The following ELOVL2 variants were observed in gnomAD, a reference collection of about 807,000 sequenced individuals.
ELOVL2 encodes very long chain fatty acid elongase 2.
ELOVL2 carries 38 observed loss-of-function variants against 37.7 expected under a neutral mutation model. The ratio of observed to expected loss-of-function variants is 1.01; its 90% CI spans 0.78 to 1.32. ELOVL2 has a LOEUF of 1.32. Ranked by LOEUF, ELOVL2 falls within the 40% of genes most tolerant of loss-of-function variation. The pLI is 0.00. For synonymous variants in ELOVL2, 115 were observed against 122.3 expected (o/e 0.94, Z 0.40); for missense variants, 352 against 363.6 (o/e 0.97, Z 0.26).
At position 10,982,440 on chromosome 6, in the gene ELOVL2, T is replaced by C. The variant is rs1013855852; in HGVS notation, c.*1341A>G. 4.6e-5 allele frequency: 7 copies of C among 152,152 alleles called. No individual in the cohort carries two copies. Among genetic ancestry groups the C allele is most frequent in the Non-Finnish European group, 1.0e-4 (7 of 68,026 alleles). The allele number at this position is 152,152 out of a possible 1,614,324, so 9.4% of individuals were successfully genotyped here. ...AAGGCAGGAGAGAAGATGAAGTGAC[T>C]TCATCGAAGCTAACAAGTTTTATTT... On this transcript the variant is annotated 3_prime_UTR_variant, in exon 8 of 8. Coordinates refer to ENST00000354666, the MANE Select transcript of ELOVL2 (RefSeq NM_017770.4).
At chr6:11,009,940 T>TA (rs1782543467) in intron 2 of ELOVL2, among the ~76,000 whole-genome samples, 1 of 151,630 alleles carries the variant, frequency 6.6e-6, no homozygotes, top group Non-Finnish European at 1.5e-5. Flanking sequence ...TGCAGTACAG[T>TA]AAGCGACTGG....
chr6:11,026,557 C>T (rs1782840796), intron 1 of ELOVL2, among the ~76,000 whole-genome samples: 1 of 152,110 alleles, frequency 6.6e-6, no homozygotes, highest in Non-Finnish European at 1.5e-5. Context: ...TACGGACATC[C>T]AGGACAGCCA....
rs1781988097 is a variant in ELOVL2 at position 10,983,787 on chromosome 6, T to G, written c.885A>C (p.Ala295=). Residue 295 remains alanine, a synonymous_variant, in exon 8 of 8, where the codon GCA becomes GCC. Coordinates refer to ENST00000354666, the MANE Select transcript of ELOVL2 (RefSeq NM_017770.4). Reference sequence around the variant, plus strand: ...CTTTTTCTGTTACTCATTTTTATTGTGCTTTCTTGTTCATCACTCCATTTG... The same window carrying G: ...CTTTTTCTGTTACTCATTTTTATTGGGCTTTCTTGTTCATCACTCCATTTG... ...TAANGVMNKK[A]Q 2.5e-6 allele frequency: 4 copies of G among 1,606,066 alleles called. No homozygotes were observed. The highest frequency in any genetic ancestry group is 3.4e-6 in the Non-Finnish European group (4 of 1,177,940).
chr6:11,027,500 C>T (rs1782856449), intron 1 of ELOVL2, among the ~76,000 whole-genome samples: 1 of 152,176 alleles, frequency 6.6e-6, no homozygotes, highest in Non-Finnish European at 1.5e-5. Flanking sequence ...GTAGCACATT[C>T]CATTTTAAAA....
chr6:11,017,775 C>T (rs1782707506), intron 1 of ELOVL2, among the ~76,000 whole-genome samples: 1 of 152,136 alleles, frequency 6.6e-6, no homozygotes, highest in Admixed American at 6.6e-5. Context: ...CACGTATTAC[C>T]CAGACTTTCA....
chr6:11,007,371 T>TA (rs1411668409), intron 2 of ELOVL2, among the ~76,000 whole-genome samples: 7 of 152,150 alleles, frequency 4.6e-5, no homozygotes, highest in Non-Finnish European at 1.0e-4. Flanking sequence ...AGTGTCCTTA[T>TA]AAGAAGGAGA....
At chr6:10,984,488 C>T (rs1281503463) in intron 7 of ELOVL2, among the ~76,000 whole-genome samples, 16 of 148,326 alleles carry the variant, frequency 1.1e-4, no homozygotes, top group Admixed American at 1.1e-3. Flanking sequence ...TTAGGTATAT[C>T]TCCTAAAGCT....
chr6:11,000,197 ACAT>A (rs1782357816), intron 3 of ELOVL2, 33 bp from the exon 4 acceptor site: 1 of 1,588,596 alleles, frequency 6.3e-7, no homozygotes, highest in Non-Finnish European at 8.6e-7. Flanking sequence ...AGAAAAACAA[ACAT>A]CAGCACAAGA....
In ELOVL2 at chr6:10,984,131, C is replaced by T. The variant is rs1196073825; in HGVS notation, c.766-225G>A. ...CTCCCGGGTTCAAGTGATTCTCCTG[C>T]CTCAGCCTCCCAAGTAGCTGGGACT... On this transcript the variant is annotated intron_variant, in intron 7 of 7. Transcript: ENST00000354666. Among the ~76,000 whole-genome samples, 4 of 152,178 alleles carry T rather than the reference C, an allele frequency of 2.6e-5. No individual in the cohort carries two copies. The South Asian group carries it at 8.3e-4, about 32-fold the overall frequency.
chr6:10,994,483 A>AAG (rs1554111121), intron 5 of ELOVL2, among the ~76,000 whole-genome samples: 16 of 146,090 alleles, frequency 1.1e-4, no homozygotes, highest in Middle Eastern at 3.6e-3. Flanking sequence ...AAAAAAAAAA[A>AAG]GAACAAATAT....
intron 1 of ELOVL2, among the ~76,000 whole-genome samples, chr6:11,043,015 CTAAT>C (rs1783126658): frequency 6.6e-6 from 1 of 152,118 alleles, no homozygotes; most frequent in South Asian, 2.1e-4. Flanking sequence ...AGTACGCTAA[CTAAT>C]ACATGCTCAA....
At chr6:11,012,882 T>C (rs1782608824) in intron 1 of ELOVL2, among the ~76,000 whole-genome samples, 1 of 152,146 alleles carries the variant, frequency 6.6e-6, no homozygotes, top group Non-Finnish European at 1.5e-5. Context: ...GAGAGAGTAA[T>C]ACACAAATAA....
At chr6:10,995,391 A>G (rs1409218335) in intron 4 of ELOVL2, among the ~76,000 whole-genome samples, 2 of 150,650 alleles carry the variant, frequency 1.3e-5, no homozygotes, top group East Asian at 3.9e-4. Context: ...TTTCCAGAAC[A>G]CATGTGTGAT....
chr6:11,027,941 C>A (rs1473300114), intron 1 of ELOVL2, among the ~76,000 whole-genome samples: 2 of 152,212 alleles, frequency 1.3e-5, no homozygotes, highest in Admixed American at 6.5e-5. Context: ...TTCAATAGAG[C>A]CCTCAGAAGT....
At chr6:11,009,134 G>A (rs753841847) in intron 2 of ELOVL2, among the ~76,000 whole-genome samples, 14 of 152,288 alleles carry the variant, frequency 9.2e-5, no homozygotes, top group Non-Finnish European at 1.6e-4. Context: ...GAGTAAAACA[G>A]CCAGGGTTCC....
At chr6:11,006,450 T>G (rs1323288461) in intron 2 of ELOVL2, among the ~76,000 whole-genome samples, 1 of 152,218 alleles carries the variant, frequency 6.6e-6, no homozygotes. Context: ...TTTGTTTAAA[T>G]AAAGAAAATG....
rs777096370 is a variant in ELOVL2 at position 10,989,782 on chromosome 6, C to G, written c.686G>C (p.Gly229Ala). 1.1e-5 allele frequency: 18 copies of G among 1,614,038 alleles called. No individual in the cohort carries two copies. The highest frequency in any genetic ancestry group is 1.4e-5 in the Non-Finnish European group (17 of 1,180,026). The stretch of plus-strand genomic sequence containing the variant: ...GAAGATGAGACAACCGAAGGGGAAG[C>G]CACACGGTTTCACGACGGCGCTCAT... ...HTMSAVVKPC[G>A]FPFGCLIFQS... The change falls in exon 7 of 8, where the codon GGC becomes GCC. Residue 229 changes from glycine (G) to alanine (A), a missense_variant. By Grantham distance (60) the Gly-to-Ala change is moderately conservative (BLOSUM62 0). Transcript: ENST00000354666.
intron 4 of ELOVL2, among the ~76,000 whole-genome samples, chr6:10,995,887 C>G (rs1782259604): frequency 6.6e-6 from 1 of 152,154 alleles, no homozygotes; most frequent in Non-Finnish European, 1.5e-5. Context: ...TATAACTTTC[C>G]TCTGCTCTTC....
intron 5 of ELOVL2, 43 bp from the exon 6 acceptor site, chr6:10,990,485 A>T (rs1234784051): frequency 2.0e-6 from 3 of 1,531,588 alleles, no homozygotes; most frequent in Non-Finnish European, 2.6e-6. Context: ...TCCAGGAAGG[A>T]CTGTTCATTC....
Sources: allele counts gnomAD v4.1 joint callset (sites outside exome capture counted in the v4.1 genomes callset), GRCh38; gene constraint gnomAD v4.1.1; transcripts MANE v1.5; gene names NCBI Gene and HGNC (gene_info 2026-07-23, HGNC 2026-07-21).